The following F13A1 variants were observed in gnomAD, a reference collection of about 807,000 sequenced individuals.
F13A1 encodes FSF, A subunit.
Under a neutral mutation model 80.1 loss-of-function variants are expected in F13A1, and 47 were observed. The ratio of observed to expected loss-of-function variants is 0.59; its 90% CI spans 0.46 to 0.75. The LOEUF (loss-of-function observed/expected upper bound fraction) is 0.75. F13A1 is among the 30% of genes least tolerant of loss of function. The probability of loss-of-function intolerance (pLI) is 0.00; values close to 1 mark genes in which losing one functional copy is unlikely to be tolerated. For missense variants in F13A1, 817 were observed against 930.4 expected (o/e 0.88, Z 1.59); for synonymous variants, 349 against 344.9 (o/e 1.01, Z -0.13).
chr6:6,179,894 A>G (rs1258561606), intron 11 of F13A1, among the ~76,000 whole-genome samples: 2 of 152,060 alleles, frequency 1.3e-5, no homozygotes, highest in African/African-American at 4.8e-5. Flanking sequence ...ATCCACCCCC[A>G]GCCAAGCCCC....
intron 6 of F13A1, among the ~76,000 whole-genome samples, chr6:6,242,625 T>C (rs1369337544): frequency 6.6e-6 from 1 of 152,204 alleles, no homozygotes; most frequent in Non-Finnish European, 1.5e-5. Flanking sequence ...ACTGTAAATG[T>C]TGAGATCCTA....
chr6:6,270,890 A>T (rs1457721854), intron 3 of F13A1, among the ~76,000 whole-genome samples: 3 of 152,218 alleles, frequency 2.0e-5, no homozygotes, highest in Non-Finnish European at 4.4e-5. Context: ...GAGTGAGTGA[A>T]GAGAAGGAAG....
rs752340262 is a variant in F13A1, at chr6:6,318,517, AG to A, written c.130+17del. 2.7e-5 allele frequency: 44 copies of A among 1,608,354 alleles called. No homozygotes were observed. The highest frequency in any genetic ancestry group is 3.4e-5 in the Non-Finnish European group (40 of 1,178,002). Reference sequence around the variant, plus strand: ...GTGCCTGGACCCAGAGTGGTGGGGAAGGGGGGTATGCTCATACCTTGCAGGT... The same window carrying A: ...GTGCCTGGACCCAGAGTGGTGGGGAAGGGGGTATGCTCATACCTTGCAGGT... On this transcript the variant is annotated intron_variant, in intron 2 of 14. Transcript: ENST00000264870.
intron 4 of F13A1, among the ~76,000 whole-genome samples, chr6:6,265,931 TAGGTTGGTG>T (rs1339562801): frequency 2.6e-5 from 4 of 152,244 alleles, no homozygotes; most frequent in Non-Finnish European, 4.4e-5. Flanking sequence ...CAACATATAT[TAGGTTGGTG>T]AGGTTGGTGC....
chr6:6,253,777 A>T (rs1455892532), intron 4 of F13A1, among the ~76,000 whole-genome samples: 1 of 152,256 alleles, frequency 6.6e-6, no homozygotes, highest in African/African-American at 2.4e-5. Context: ...AAGGAGCTAG[A>T]TGTGTATTAA....
At chr6:6,248,190 A>C (rs982878515) in intron 6 of F13A1, 122 bp downstream of exon 6, 1 of 868,560 alleles carries the variant, frequency 1.2e-6, no homozygotes, top group Non-Finnish European at 1.9e-6. Flanking sequence ...AGAAGCTAGA[A>C]TCTTACAAAT....
chr6:6,267,243 G>C (rs1377015376), intron 3 of F13A1, among the ~76,000 whole-genome samples: 1 of 152,198 alleles, frequency 6.6e-6, no homozygotes, highest in East Asian at 1.9e-4. Context: ...CACTGAGAAA[G>C]ATTAGAACTT....
chr6:6,270,983 A>G (rs1437478513), intron 3 of F13A1, among the ~76,000 whole-genome samples: 1 of 152,304 alleles, frequency 6.6e-6, no homozygotes, highest in East Asian at 1.9e-4. Context: ...TTCCAAAGTA[A>G]TGTCAGACAC....
At chr6:6,312,941 C>T (rs1758626604) in intron 2 of F13A1, among the ~76,000 whole-genome samples, 1 of 152,126 alleles carries the variant, frequency 6.6e-6, no homozygotes, top group African/African-American at 2.4e-5. Context: ...ATGAGTCAGC[C>T]ACACACAGGT....
chr6:6,205,027 T>A (rs1761461097), intron 8 of F13A1, among the ~76,000 whole-genome samples: 1 of 152,262 alleles, frequency 6.6e-6, no homozygotes, highest in Non-Finnish European at 1.5e-5. Context: ...TGGCCTCATT[T>A]GCATAGCAAT....
chr6:6,320,504 C>T (rs761200671), intron 1 of F13A1, 83 bp downstream of exon 1: 2 of 373,566 alleles, frequency 5.4e-6, no homozygotes, highest in African/African-American at 4.3e-5. Flanking sequence ...GAGCAAGCCG[C>T]TTGCTGGTTC....
At chr6:6,233,483 G>A (rs1429005260) in intron 6 of F13A1, among the ~76,000 whole-genome samples, 1 of 152,068 alleles carries the variant, frequency 6.6e-6, no homozygotes, top group Non-Finnish European at 1.5e-5. Flanking sequence ...AAATGTCCAG[G>A]AACAGACGGA....
intron 10 of F13A1, among the ~76,000 whole-genome samples, chr6:6,182,648 A>G (rs1003977103): frequency 6.6e-6 from 1 of 152,128 alleles, no homozygotes; most frequent in Non-Finnish European, 1.5e-5. Context: ...TTTTCAGGTG[A>G]AGGGATGCTT....
At position 6,183,210 on chromosome 6, in the gene F13A1, C is replaced by CTT. The variant is rs1761019718; in HGVS notation, c.1306-1070_1306-1069insAA. On this transcript the variant is annotated intron_variant, in intron 10 of 14. Transcript: ENST00000264870. The stretch of plus-strand genomic sequence containing the variant: ...ATGTATTTACTAAATGTTTCCCAAG[C>CTT]TCCTCTCCAAGCCTCAGTTACCCAC... Among the ~76,000 whole-genome samples the CTT allele has an allele frequency of 4.6e-5, 7 of 152,326 alleles. No individual in the cohort carries two copies. The South Asian group carries it at 1.2e-3, about 27-fold the overall frequency.
At chr6:6,294,045 C>T (rs982322396) in intron 3 of F13A1, among the ~76,000 whole-genome samples, 2 of 152,090 alleles carry the variant, frequency 1.3e-5, no homozygotes, top group African/African-American at 4.8e-5. Context: ...TAATAGCTTG[C>T]TTTATGAAAC....
At chr6:6,194,793 C>T (rs967649480) in intron 10 of F13A1, among the ~76,000 whole-genome samples, 1 of 152,194 alleles carries the variant, frequency 6.6e-6, no homozygotes, top group African/African-American at 2.4e-5. Context: ...ACTATTTGTT[C>T]CTCCTGGAGT....
intron 11 of F13A1, among the ~76,000 whole-genome samples, chr6:6,180,559 C>G (rs1174353348): frequency 6.6e-6 from 1 of 152,188 alleles, no homozygotes; most frequent in Non-Finnish European, 1.5e-5. Flanking sequence ...GCTTATAACT[C>G]TACAGTAAGA....
chr6:6,191,873 A>G (rs1023640648), intron 10 of F13A1, among the ~76,000 whole-genome samples: 1 of 152,212 alleles, frequency 6.6e-6, no homozygotes, highest in Non-Finnish European at 1.5e-5. Context: ...CTCATATTCT[A>G]GAAGGGAGAA....
chr6:6,254,055 A>G (rs1256169130), intron 4 of F13A1, among the ~76,000 whole-genome samples: 1 of 152,188 alleles, frequency 6.6e-6, no homozygotes, highest in Non-Finnish European at 1.5e-5. Context: ...GCTCAACTCC[A>G]CTAACAATCA....
Sources: allele counts gnomAD v4.1 joint callset (sites outside exome capture counted in the v4.1 genomes callset), GRCh38; gene constraint gnomAD v4.1.1; transcripts MANE v1.5; gene names NCBI Gene and HGNC (gene_info 2026-07-23, HGNC 2026-07-21).